ASIC2: variants seen among roughly 807,000 people sequenced by gnomAD.
ASIC2 encodes the protein acid sensing ion channel subunit 2, also known as acid-sensing ion channel 2.
Under a neutral mutation model 57.3 loss-of-function variants are expected in ASIC2, and 25 were observed. That is an observed-to-expected ratio of 0.44 (90% confidence interval 0.32 to 0.61). The LOEUF (loss-of-function observed/expected upper bound fraction) is 0.61, where lower values mean the gene tolerates loss of function less well. ASIC2 is among the 20% of genes least tolerant of loss of function. The probability of loss-of-function intolerance (pLI) is 0.06; values close to 1 mark genes in which losing one functional copy is unlikely to be tolerated. For missense variants in ASIC2, 641 were observed against 738.1 expected (o/e 0.87, Z 1.52); for synonymous variants, 319 against 307.5 (o/e 1.04, Z -0.39).
At chr17:33,420,016 A>G (rs1910990198) in intron 1 of ASIC2, among the ~76,000 whole-genome samples, 1 of 152,216 alleles carries the variant, frequency 6.6e-6, no homozygotes, top group South Asian at 2.1e-4. Context: ...GGGAGTGGTG[A>G]TGAGGGAATA....
At chr17:33,143,868 A>G (rs529090409) in intron 1 of ASIC2, among the ~76,000 whole-genome samples, 19 of 152,374 alleles carry the variant, frequency 1.2e-4, no homozygotes, top group African/African-American at 4.3e-4. Flanking sequence ...AGCATTATCT[A>G]CAATCTTTAA....
Position 33,291,944 on chromosome 17 carries a change from G to T in ASIC2, c.172C>A (p.Arg58=). The T allele has an allele frequency of 6.6e-7, 1 of 1,518,740 alleles. No homozygotes were observed. Among genetic ancestry groups the T allele is most frequent in the South Asian group, 1.2e-5 (1 of 80,562 alleles). The allele number at this position is 1,518,740 out of a possible 1,614,324, so 94.1% of individuals were successfully genotyped here. A position where few individuals can be genotyped will look rare whatever the true frequency, so the allele number is the denominator to read the frequency against. Residue 58 remains arginine (R), a synonymous_variant, in exon 1 of 10, where the codon CGG becomes AGG. Transcript: ENST00000225823. The stretch of plus-strand genomic sequence containing the variant: ...AGTTTAGCGCGGCTCAGCGATGGCC[G>T]CCCCCTGCGGGCGACCCCTGGCCCC... The part of the protein sequence containing the change: ...LQGPGVARRG[R]PSLSRAKLHG...
At chr17:33,878,209 C>T (rs1914602165) in intron 1 of ASIC2, among the ~76,000 whole-genome samples, 1 of 152,244 alleles carries the variant, frequency 6.6e-6, no homozygotes, top group African/African-American at 2.4e-5. Context: ...GCCTCTCCTC[C>T]TCCAAAGGAA....
chr17:33,060,588 G>A (rs899341579), intron 3 of ASIC2, among the ~76,000 whole-genome samples: 1 of 152,180 alleles, frequency 6.6e-6, no homozygotes, highest in Non-Finnish European at 1.5e-5. Flanking sequence ...TTGCAGTTGG[G>A]TAGCATGATG....
At chr17:33,984,551 C>T (rs1341840585) in intron 1 of ASIC2, among the ~76,000 whole-genome samples, 1 of 152,206 alleles carries the variant, frequency 6.6e-6, no homozygotes. Flanking sequence ...GGAAATTTCC[C>T]AGGATTTTCT....
chr17:34,038,237 C>G (rs921835345), intron 1 of ASIC2: 4 of 1,611,066 alleles, frequency 2.5e-6, no homozygotes, highest in South Asian at 1.1e-5. Flanking sequence ...GATAATGGAC[C>G]GGGCCTCTTT....
At chr17:33,986,421 A>G (rs1905820525) in intron 1 of ASIC2, among the ~76,000 whole-genome samples, 1 of 152,092 alleles carries the variant, frequency 6.6e-6, no homozygotes, top group South Asian at 2.1e-4. Flanking sequence ...CATGACCACT[A>G]TTCCTAAATA....
intron 1 of ASIC2, among the ~76,000 whole-genome samples, chr17:33,553,799 G>A (rs2077746861): frequency 6.6e-6 from 1 of 152,174 alleles, no homozygotes; most frequent in African/African-American, 2.4e-5. Flanking sequence ...TGATGGAGAA[G>A]CTTAGGCTAA....
intron 1 of ASIC2, among the ~76,000 whole-genome samples, chr17:33,519,115 G>A (rs974862020): frequency 4.6e-5 from 7 of 152,258 alleles, no homozygotes; most frequent in African/African-American, 9.6e-5. Context: ...CCACCGCGCC[G>A]GGCCGATAAC....
intron 1 of ASIC2, among the ~76,000 whole-genome samples, chr17:33,525,104 A>C (rs1357705817): frequency 6.6e-6 from 1 of 152,072 alleles, no homozygotes; most frequent in African/African-American, 2.4e-5. Flanking sequence ...CTTATTCTTG[A>C]CGTTCCCTCT....
chr17:33,578,793 TTAGTC>T (rs10554579), intron 1 of ASIC2, among the ~76,000 whole-genome samples: 77,888 of 151,430 alleles, frequency 0.51, 20,895 homozygotes, highest in African/African-American at 0.68. Flanking sequence ...AATCCTAAGA[TTAGTC>T]TAGTCACAGT....
intron 1 of ASIC2, among the ~76,000 whole-genome samples, chr17:34,138,004 G>T (rs1401407807): frequency 6.6e-6 from 1 of 152,178 alleles, no homozygotes; most frequent in Admixed American, 6.5e-5. Context: ...CCACCTTCTA[G>T]AGTCAAAGCC....
chr17:33,241,864 G>A (rs1021682867), intron 1 of ASIC2, among the ~76,000 whole-genome samples: 5 of 152,210 alleles, frequency 3.3e-5, no homozygotes, highest in South Asian at 2.1e-4. Flanking sequence ...CTAAGGCAGC[G>A]TACTGGAACA....
intron 1 of ASIC2, among the ~76,000 whole-genome samples, chr17:33,228,064 C>T (rs969754824): frequency 2.6e-5 from 4 of 152,206 alleles, no homozygotes; most frequent in African/African-American, 9.7e-5. Flanking sequence ...GGACAGTGTA[C>T]TCCACATGGG....
At chr17:33,125,911 CA>C (rs1241730761) in intron 1 of ASIC2, among the ~76,000 whole-genome samples, 1 of 152,166 alleles carries the variant, frequency 6.6e-6, no homozygotes, top group African/African-American at 2.4e-5. Context: ...TAGGATGGGG[CA>C]AATGAAGACC....
At position 33,938,262 on chromosome 17, in the gene ASIC2, T is replaced by G. The variant is rs928075832; in HGVS notation, c.555+217716A>C. Among the ~76,000 whole-genome samples, 69 of 152,150 alleles carry G rather than the reference T, an allele frequency of 4.5e-4. 1 individual carries two copies. The highest frequency in any genetic ancestry group is 2.6e-4 in the Admixed American group (4 of 15,280). On this transcript the variant is annotated intron_variant, in intron 1 of 9. Coordinates refer to the ASIC2 transcript ENST00000359872. ...GAAGCTGGGCCAGCACCAGAGCCCC[T>G]GATTTCTTCAGCTGGGGGCTCCCTC...
intron 1 of ASIC2, among the ~76,000 whole-genome samples, chr17:33,409,122 G>A (rs1342490849): frequency 1.3e-5 from 2 of 152,182 alleles, no homozygotes; most frequent in African/African-American, 4.8e-5. Context: ...GGCTGAGGTG[G>A]GAGAATTTAT....
At chr17:33,437,925 T>C (rs1911683879) in intron 1 of ASIC2, among the ~76,000 whole-genome samples, 1 of 152,182 alleles carries the variant, frequency 6.6e-6, no homozygotes, top group South Asian at 2.1e-4. Flanking sequence ...AATGACTAGG[T>C]TGAAGTCATG....
At chr17:34,047,937 C>G (rs749138405) in intron 1 of ASIC2, among the ~76,000 whole-genome samples, 11 of 152,178 alleles carry the variant, frequency 7.2e-5, no homozygotes, top group Non-Finnish European at 1.0e-4. Flanking sequence ...CAGAAGGAAA[C>G]ATTATACAAC....
Sources: allele counts gnomAD v4.1 joint callset (sites outside exome capture counted in the v4.1 genomes callset), GRCh38; gene constraint gnomAD v4.1.1; transcripts MANE v1.5; gene names NCBI Gene and HGNC (gene_info 2026-07-23, HGNC 2026-07-21).